CDH18: variants seen among roughly 807,000 people sequenced by gnomAD.
The protein encoded by CDH18 is cadherin-18.
A neutral mutation model predicts 67.9 loss-of-function variants in CDH18; 31 were observed. The observed-to-expected ratio is 0.46, with a 90% confidence interval of 0.34 to 0.62. The LOEUF is 0.62. CDH18 is among the 20% of genes least tolerant of loss of function. CDH18 has a pLI of 0.01. For synonymous variants in CDH18, 362 were observed against 347.2 expected (o/e 1.04, Z -0.48); for missense variants, 890 against 975.5 (o/e 0.91, Z 1.17).
chr5:20,187,415 C>T (rs1311388238), intron 2 of CDH18, among the ~76,000 whole-genome samples: 1 of 151,722 alleles, frequency 6.6e-6, no homozygotes, highest in Non-Finnish European at 1.5e-5. Flanking sequence ...TTGTAGAAGA[C>T]AAATGGGACC....
intron 1 of CDH18, among the ~76,000 whole-genome samples, chr5:20,283,158 A>G (rs1285756765): frequency 6.6e-6 from 1 of 152,114 alleles, no homozygotes; most frequent in Non-Finnish European, 1.5e-5. Flanking sequence ...TTACTAGAAA[A>G]AAAATAACTT....
intron 1 of CDH18, among the ~76,000 whole-genome samples, chr5:20,346,501 A>C (rs867233702): frequency 3.3e-5 from 5 of 152,120 alleles, no homozygotes; most frequent in South Asian, 4.2e-4. Flanking sequence ...GGATGTACAG[A>C]AGTGGGTGAA....
chr5:20,019,070 T>C (rs1227138058), intron 2 of CDH18, among the ~76,000 whole-genome samples: 1 of 152,046 alleles, frequency 6.6e-6, no homozygotes, highest in Admixed American at 6.5e-5. Flanking sequence ...GTGCTGGGAT[T>C]ACAGGCGTGA....
At chr5:19,508,048 G>A (rs1183193767) in intron 10 of CDH18, among the ~76,000 whole-genome samples, 1 of 144,154 alleles carries the variant, frequency 6.9e-6, no homozygotes. Context: ...TTTATTAATC[G>A]TATTTCTGAA....
At position 20,070,113 on chromosome 5, in the gene CDH18, T is replaced by C. The variant is rs114968032; in HGVS notation, c.-517-78099A>G. Among the ~76,000 whole-genome samples, 462 of 152,338 alleles carry C rather than the reference T, an allele frequency of 3.0e-3. 3 individuals carry two copies. The highest frequency in any genetic ancestry group is 0.01 in the African/African-American group (430 of 41,584). ...TAGTGGCAACTACTGATGTTTTTAC[T>C]GTATCCATAGTTTTGCCTTTTCCCA... On this transcript the variant is annotated intron_variant, in intron 2 of 14. Coordinates refer to the CDH18 transcript ENST00000507958.
At chr5:19,478,070 T>C (rs1738784919) in intron 12 of CDH18, among the ~76,000 whole-genome samples, 1 of 152,176 alleles carries the variant, frequency 6.6e-6, no homozygotes. Flanking sequence ...GAATTAATTT[T>C]ATCATCAAGT....
intron 2 of CDH18, among the ~76,000 whole-genome samples, chr5:19,842,479 T>A (rs185869118): frequency 6.6e-6 from 1 of 152,300 alleles, no homozygotes. Context: ...AAGAACATGT[T>A]TGCTTCCCAT....
At chr5:19,597,539 T>G (rs1746368017) in intron 6 of CDH18, among the ~76,000 whole-genome samples, 2 of 152,164 alleles carry the variant, frequency 1.3e-5, no homozygotes, top group African/African-American at 4.8e-5. Flanking sequence ...CAAAACATGA[T>G]TCTATTGCAC....
chr5:20,179,335 A>C (rs1386266315), intron 2 of CDH18, among the ~76,000 whole-genome samples: 3 of 152,160 alleles, frequency 2.0e-5, no homozygotes, highest in Admixed American at 1.3e-4. Flanking sequence ...CTTACCTGAC[A>C]TTAAGAATAC....
intron 1 of CDH18, among the ~76,000 whole-genome samples, chr5:20,562,055 T>C (rs907093733): frequency 6.6e-6 from 1 of 151,964 alleles, no homozygotes; most frequent in East Asian, 1.9e-4. Context: ...GGTATTACAA[T>C]AAAAATTTAG....
chr5:20,476,820 A>C (rs561070103), intron 1 of CDH18, among the ~76,000 whole-genome samples: 60 of 152,300 alleles, frequency 3.9e-4, no homozygotes, highest in African/African-American at 1.4e-3. Flanking sequence ...ATCTATTTGA[A>C]GAACAGTTTA....
chr5:20,359,713 CT>C (rs1434105219), intron 1 of CDH18, among the ~76,000 whole-genome samples: 1 of 152,142 alleles, frequency 6.6e-6, no homozygotes, highest in East Asian at 1.9e-4. Context: ...ACCACTAATT[CT>C]CCACCAGTTT....
At chr5:19,518,856 T>C (rs1420848636) in intron 10 of CDH18, among the ~76,000 whole-genome samples, 1 of 152,280 alleles carries the variant, frequency 6.6e-6, no homozygotes, top group South Asian at 2.1e-4. Context: ...CTCCCTTTCA[T>C]ATATACTTCT....
chr5:19,994,728 TATATATATATAGAG>T (rs1360197103), intron 2 of CDH18, among the ~76,000 whole-genome samples: 29 of 20,908 alleles, frequency 1.4e-3, no homozygotes, highest in Non-Finnish European at 1.8e-3. Flanking sequence ...TATATATATA[TATATATATATAGAG>T]AGAGAGAGAG....
intron 1 of CDH18, among the ~76,000 whole-genome samples, chr5:20,499,692 G>T (rs1052515031): frequency 3.9e-5 from 6 of 152,054 alleles, no homozygotes; most frequent in African/African-American, 1.4e-4. Context: ...TTATCAACAG[G>T]TTTTCTAGTG....
At chr5:20,120,589 T>C (rs1298609909) in intron 2 of CDH18, among the ~76,000 whole-genome samples, 1 of 152,100 alleles carries the variant, frequency 6.6e-6, no homozygotes, top group Admixed American at 6.6e-5. Context: ...ATATTCTAGA[T>C]TTAAGAATAT....
chr5:20,004,659 T>C (rs1019186500), intron 2 of CDH18, among the ~76,000 whole-genome samples: 2 of 152,218 alleles, frequency 1.3e-5, no homozygotes, highest in Non-Finnish European at 2.9e-5. Flanking sequence ...CATTTGTAAA[T>C]TTAAAAGATG....
chr5:20,303,585 A>G (rs1341374456), intron 1 of CDH18, among the ~76,000 whole-genome samples: 1 of 151,156 alleles, frequency 6.6e-6, no homozygotes, highest in Non-Finnish European at 1.5e-5. Flanking sequence ...TTCATTTGGT[A>G]ACAACAAGTC....
intron 2 of CDH18, among the ~76,000 whole-genome samples, chr5:20,078,078 G>A (rs536012353): frequency 1.3e-5 from 2 of 152,130 alleles, no homozygotes; most frequent in Non-Finnish European, 1.5e-5. Flanking sequence ...TCTATTTGAG[G>A]CATAATACTT....
Sources: allele counts gnomAD v4.1 joint callset (sites outside exome capture counted in the v4.1 genomes callset), GRCh38; gene constraint gnomAD v4.1.1; transcripts MANE v1.5; gene names NCBI Gene and HGNC (gene_info 2026-07-23, HGNC 2026-07-21).